Variants in IL24 observed in about 807,000 individuals in gnomAD.
IL24 encodes interleukin-24.
IL24 carries 24 observed loss-of-function variants against 27.6 expected under a neutral mutation model. That is an observed-to-expected ratio of 0.87 (90% CI 0.63 to 1.22). IL24 has a LOEUF of 1.22. IL24 is among the 50% of genes most tolerant of loss of function. The pLI, the probability that IL24 is intolerant of heterozygous loss-of-function variation, is 0.00. For missense variants in IL24, 240 were observed against 237.0 expected (o/e 1.01, Z -0.08); for synonymous variants, 99 against 93.1 (o/e 1.06, Z -0.36).
chr1:206,897,843 AAC>A lies in IL24; in HGVS notation c.13_14del (p.Gln5GlufsTer80). 6.2e-7 allele frequency: 1 copy of A among 1,610,934 alleles called. No homozygotes were observed. Among genetic ancestry groups the A allele is most frequent in the Non-Finnish European group, 8.5e-7 (1 of 1,179,048 alleles). On this transcript the variant is annotated frameshift_variant, in exon 2 of 7. Coordinates refer to ENST00000294984, the MANE Select transcript of IL24 (RefSeq NM_006850.3). LOFTEE classifies it high-confidence loss of function. ...ACACGAGACTGAGAGATGAATTTTC[AAC>A]AGAGGCTGCAAAGCCTGTGGACTTT...
chr1:206,899,444 G>A lies in IL24; in HGVS notation c.169G>A (p.Gly57Arg), dbSNP rs762991948. The A allele has an allele frequency of 2.5e-6, 4 of 1,613,954 alleles. No individual in the cohort carries two copies. Among genetic ancestry groups the A allele is most frequent in the African/African-American group, 1.3e-5 (1 of 74,924 alleles). The part of the protein sequence containing the change: ...SGAQGQEFHF[G>R]PCQVKGVVPQ... ...GGCCCAGGGCCAAGAATTCCACTTT[G>A]GGCCCTGCCAAGTGAAGGGGGTTGT... Residue 57 changes from glycine (G) to arginine (R), a missense_variant, in exon 3 of 7, where the codon GGG (glycine) becomes AGG (arginine). Transcript: ENST00000294984.
chr1:206,902,637 A>C (rs1330873017), intron 6 of IL24: 1 of 984,966 alleles, frequency 1.0e-6, no homozygotes, highest in East Asian at 1.1e-4. Flanking sequence ...TCTGATGGAG[A>C]GGGGCCACCT....
Position 206,903,029 on chromosome 1 carries a change from G to A in IL24, c.591G>A (p.Leu197=). Residue 197 remains leucine, a synonymous_variant, in exon 7 of 7, where the codon CTG becomes CTA. Coordinates refer to ENST00000294984, the MANE Select transcript of IL24 (RefSeq NM_006850.3). The part of the protein sequence containing the change: ...TKALGEVDIL[L]TWMQKFYKL Reference sequence around the variant, plus strand: ...CCCTTGGGGAAGTGGACATTCTTCTGACCTGGATGCAGAAATTCTACAAGC... The same window carrying A: ...CCCTTGGGGAAGTGGACATTCTTCTAACCTGGATGCAGAAATTCTACAAGC... The A allele has an allele frequency of 6.2e-7, 1 of 1,614,158 alleles. No individual in the cohort carries two copies. The highest frequency in any genetic ancestry group is 1.3e-5 in the African/African-American group (1 of 75,046).
At chr1:206,901,897 A>G in intron 5 of IL24, 101 bp from the exon 6 acceptor site, 1 of 1,233,642 alleles carries the variant, frequency 8.1e-7, no homozygotes, top group Non-Finnish European at 1.2e-6. Context: ...CTGGGCTCTC[A>G]GGCTTTGGGA....
At position 206,902,071 on chromosome 1, in the gene IL24, A is replaced by G; in HGVS notation, c.536A>G (p.Gln179Arg). The change falls in exon 6 of 7, where the codon CAG (glutamine) becomes CGG (arginine). Residue 179 changes from glutamine (Q) to arginine (R), a missense_variant and splice_region_variant. Physicochemically the swap from Gln to Arg is conservative, Grantham distance 43. Transcript: ENST00000294984. ...CTGCTATTCCGGAGAGCATTCAAAC[A>G]GGTAAGGCCAAGAGCTGAGAGCTTG... Reference protein sequence around the residue: ...RFLLFRRAFKQLDVEAALTKA... With the variant: ...RFLLFRRAFKRLDVEAALTKA... 1 of 1,614,072 alleles carries G rather than the reference A, an allele frequency of 6.2e-7. No homozygotes were observed. Among genetic ancestry groups the G allele is most frequent in the South Asian group, 1.1e-5 (1 of 91,086 alleles).
chr1:206,898,802 C>A (rs1034257920), intron 2 of IL24, among the ~76,000 whole-genome samples: 35 of 152,252 alleles, frequency 2.3e-4, no homozygotes, highest in African/African-American at 8.4e-4. Flanking sequence ...CAGGATTAAC[C>A]CCTTGCTCCC....
In IL24 at chr1:206,903,342, T is replaced by C. The variant is rs1678473972; in HGVS notation, c.*283T>C. 8.6e-6 allele frequency: 3 copies of C among 350,156 alleles called. No homozygotes were observed. The highest frequency in any genetic ancestry group is 7.3e-5 in the South Asian group (2 of 27,232). 21.7% of individuals were successfully genotyped at this position (350,156 alleles called of 1,614,324 possible). ...TTTCAACTGAAGTTCTATTTATTTG[T>C]GAGACTGTAAGTTACATGAAGGCAG... On this transcript the variant is annotated 3_prime_UTR_variant, in exon 7 of 7. Transcript: ENST00000294984.
At chr1:206,898,332 C>T (rs192077998) in intron 2 of IL24, among the ~76,000 whole-genome samples, 1 of 152,122 alleles carries the variant, frequency 6.6e-6, no homozygotes, top group Non-Finnish European at 1.5e-5. Flanking sequence ...GTCTTCCTCC[C>T]GGTGTAGGGG....
At chr1:206,901,763 G>C in intron 5 of IL24, 111 bp downstream of exon 5, 1 of 964,092 alleles carries the variant, frequency 1.0e-6, no homozygotes, top group Non-Finnish European at 1.6e-6. Flanking sequence ...GCTTCAGTTT[G>C]TTATCTGTAA....
chr1:206,900,466 C>T, intron 4 of IL24, 109 bp downstream of exon 4: 1 of 977,726 alleles, frequency 1.0e-6, no homozygotes, highest in Non-Finnish European at 1.6e-6. Context: ...CTTCCCTGGA[C>T]TGACCTTACA....
At chr1:206,899,550 G>C in intron 3 of IL24, 35 bp downstream of exon 3, 1 of 1,506,168 alleles carries the variant, frequency 6.6e-7, no homozygotes, top group Non-Finnish European at 8.9e-7. Context: ...CAGTCGTGGG[G>C]GTTCCTGGGG....
chr1:206,900,387 G>A (rs1454564788), intron 4 of IL24, 30 bp downstream of exon 4: 2 of 1,605,674 alleles, frequency 1.2e-6, no homozygotes, highest in Admixed American at 3.3e-5. Context: ...ACCACCCTCT[G>A]TGGGACGGGT....
intron 2 of IL24, among the ~76,000 whole-genome samples, chr1:206,898,495 G>A (rs1367641366): frequency 6.6e-6 from 1 of 152,072 alleles, no homozygotes; most frequent in Non-Finnish European, 1.5e-5. Flanking sequence ...GAGGGAGGGA[G>A]GGAGAGAGGG....
In IL24 at chr1:206,902,975, G is replaced by C; in HGVS notation, c.538-1G>C. On this transcript the variant is annotated splice_acceptor_variant, in intron 6 of 6. Transcript: ENST00000294984. LOFTEE classifies it high-confidence loss of function. Reference sequence around the variant, plus strand: ...GACCTTCAACCCTCTTTTCCCTTTAGTTGGACGTAGAAGCAGCTCTGACCA... The same window carrying C: ...GACCTTCAACCCTCTTTTCCCTTTACTTGGACGTAGAAGCAGCTCTGACCA... The C allele has an allele frequency of 6.2e-7, 1 of 1,614,184 alleles. No individual in the cohort carries two copies. The highest frequency in any genetic ancestry group is 8.5e-7 in the Non-Finnish European group (1 of 1,180,024).
intron 6 of IL24, chr1:206,902,764 G>C: frequency 1.0e-6 from 1 of 985,320 alleles, no homozygotes; most frequent in South Asian, 4.7e-5. Flanking sequence ...TTTGTCCACT[G>C]ATATTCACTA....
chr1:206,900,257 C>T (rs1283095123), intron 3 of IL24, 38 bp from the exon 4 acceptor site: 1 of 1,598,850 alleles, frequency 6.3e-7, no homozygotes, highest in Non-Finnish European at 8.6e-7. Flanking sequence ...CTATGCTGAC[C>T]CCTAACCTGG....
At chr1:206,902,201 C>T (rs554697987) in intron 6 of IL24, 129 bp downstream of exon 6, 4 of 1,430,434 alleles carry the variant, frequency 2.8e-6, no homozygotes, top group Non-Finnish European at 3.7e-6. Flanking sequence ...TCCAAAGCCC[C>T]CTGACTTAGC....
chr1:206,900,079 G>A (rs1188806761), intron 3 of IL24, among the ~76,000 whole-genome samples: 1 of 152,138 alleles, frequency 6.6e-6, no homozygotes, highest in Non-Finnish European at 1.5e-5. Flanking sequence ...TGCTCCTGGG[G>A]GGCCAAGCTT....
rs752143144 is a variant in IL24, at chr1:206,903,359, T to C, written c.*300T>C. The C allele has an allele frequency of 5.8e-5, 18 of 310,622 alleles. No individual in the cohort carries two copies. The highest frequency in any genetic ancestry group is 1.0e-4 in the Non-Finnish European group (17 of 163,218). The allele number at this position is 310,622 out of a possible 1,614,324, so 19.2% of individuals were successfully genotyped here. A position where few individuals can be genotyped will look rare whatever the true frequency, so the allele number is the denominator to read the frequency against. On this transcript the variant is annotated 3_prime_UTR_variant, in exon 7 of 7. Transcript: ENST00000294984. ...TTTATTTGTGAGACTGTAAGTTACA[T>C]GAAGGCAGCAGAATATTGTGCCCCA...
Sources: allele counts gnomAD v4.1 joint callset (sites outside exome capture counted in the v4.1 genomes callset), GRCh38; gene constraint gnomAD v4.1.1; transcripts MANE v1.5; gene names NCBI Gene and HGNC (gene_info 2026-07-23, HGNC 2026-07-21).